Variants in PRDM5 observed in about 807,000 individuals in gnomAD.
PRDM5 encodes the protein PR domain zinc finger protein 5.
A neutral mutation model predicts 81.2 loss-of-function variants in PRDM5; 56 were observed. That is an observed-to-expected ratio of 0.69 (90% CI 0.56 to 0.86). PRDM5 has a LOEUF of 0.86. PRDM5 is among the 40% of genes least tolerant of loss of function. PRDM5 has a pLI of 0.00. For synonymous variants in PRDM5, 267 were observed against 256.4 expected (o/e 1.04, Z -0.39); for missense variants, 697 against 770.1 (o/e 0.91, Z 1.12).
chr4:120,741,366 C>T (rs1468560322), intron 14 of PRDM5, among the ~76,000 whole-genome samples: 3 of 151,926 alleles, frequency 2.0e-5, no homozygotes, highest in Non-Finnish European at 4.4e-5. Context: ...TACACTCACT[C>T]ACATGGTTCA....
chr4:120,797,337 G>T (rs966173488), intron 10 of PRDM5, among the ~76,000 whole-genome samples: 1 of 152,146 alleles, frequency 6.6e-6, no homozygotes, highest in Non-Finnish European at 1.5e-5. Flanking sequence ...TTTAATATTA[G>T]AGTATGAGAG....
chr4:120,902,036 A>G (rs1264273407), intron 2 of PRDM5, among the ~76,000 whole-genome samples: 1 of 152,262 alleles, frequency 6.6e-6, no homozygotes, highest in African/African-American at 2.4e-5. Context: ...ATATAGGACA[A>G]CACCAAGTTT....
intron 3 of PRDM5, among the ~76,000 whole-genome samples, chr4:120,842,141 A>G (rs965378955): frequency 6.6e-6 from 1 of 152,176 alleles, no homozygotes; most frequent in Non-Finnish European, 1.5e-5. Context: ...CTGTGGTTAT[A>G]TCTGTAAAAA....
At chr4:120,880,089 T>C (rs1220963603) in intron 2 of PRDM5, among the ~76,000 whole-genome samples, 2 of 152,142 alleles carry the variant, frequency 1.3e-5, no homozygotes, top group Admixed American at 1.3e-4. Flanking sequence ...AAGATGTTAA[T>C]AATAGGGGAA....
Position 120,726,782 on chromosome 4 carries a change from G to T in PRDM5, c.1624-16369C>A, listed in dbSNP as rs181690728. On this transcript the variant is annotated intron_variant, in intron 14 of 15. Coordinates refer to ENST00000264808, the MANE Select transcript of PRDM5 (RefSeq NM_018699.4). ...CTGGGCACTTGAAGACACAAATGGG[G>T]GTGGGATGGAGAGTGATAGAAGCCT... Among the ~76,000 whole-genome samples the T allele has an allele frequency of 1.8e-4, 28 of 152,236 alleles. No homozygotes were observed. In the East Asian group the frequency reaches 5.4e-3, roughly 29 times the overall value.
chr4:120,896,840 C>T (rs943984154), intron 2 of PRDM5, among the ~76,000 whole-genome samples: 10 of 151,816 alleles, frequency 6.6e-5, no homozygotes, highest in East Asian at 3.9e-4. Context: ...CCCGCCACCA[C>T]GCCCGGCTAA....
At chr4:120,918,118 A>G (rs1025077979) in intron 1 of PRDM5, among the ~76,000 whole-genome samples, 6 of 152,328 alleles carry the variant, frequency 3.9e-5, no homozygotes, top group Admixed American at 6.5e-5. Context: ...ATAAATACTT[A>G]TTGAATTAAT....
At chr4:120,875,899 A>G (rs1453133097) in intron 2 of PRDM5, among the ~76,000 whole-genome samples, 1 of 152,252 alleles carries the variant, frequency 6.6e-6, no homozygotes, top group African/African-American at 2.4e-5. Flanking sequence ...AGTATTTTAT[A>G]AAGCTATAAA....
At chr4:120,849,311 A>G (rs1047561378) in intron 3 of PRDM5, among the ~76,000 whole-genome samples, 12 of 152,206 alleles carry the variant, frequency 7.9e-5, no homozygotes, top group Non-Finnish European at 1.8e-4. Flanking sequence ...AGAAGACCCC[A>G]GGATAAATTG....
Position 120,899,496 on chromosome 4 carries a change from G to A in PRDM5, c.177+7978C>T, listed in dbSNP as rs533265770. ...GCCTGGGCTCCTAGTCACCAATCCA[G>A]CTTTTCTGGAGCTAGGTACTTAGAA... On this transcript the variant is annotated intron_variant, in intron 2 of 15. Transcript: ENST00000264808. 8.1e-4 allele frequency among the ~76,000 whole-genome samples: 124 copies of A among 152,306 alleles called. No individual in the cohort carries two copies. The South Asian group carries it at 0.025, about 31-fold the overall frequency.
rs569842269 is a variant in PRDM5, at chr4:120,771,189, A to G, written c.1537+5999T>C. Among the ~76,000 whole-genome samples the G allele has an allele frequency of 4.6e-5, 7 of 152,280 alleles. No homozygotes were observed. In the East Asian group the frequency reaches 9.6e-4, roughly 21 times the overall value. ...AAACAGTTTTTCAAGGGACATAACA[A>G]TGTTCTTTTTATAAAACAAACATTA... On this transcript the variant is annotated intron_variant, in intron 13 of 15. Transcript: ENST00000264808.
intron 14 of PRDM5, among the ~76,000 whole-genome samples, chr4:120,718,277 A>G (rs1738087451): frequency 6.6e-6 from 1 of 152,208 alleles, no homozygotes; most frequent in Non-Finnish European, 1.5e-5. Context: ...GAGGAATCAG[A>G]TGTGGAAGAC....
chr4:120,782,589 C>T (rs1310403649), intron 11 of PRDM5, among the ~76,000 whole-genome samples: 1 of 152,126 alleles, frequency 6.6e-6, no homozygotes, highest in Non-Finnish European at 1.5e-5. Context: ...GAAACAAAGT[C>T]ACGTCCATAC....
intron 11 of PRDM5, among the ~76,000 whole-genome samples, chr4:120,782,060 T>A (rs1749116440): frequency 6.6e-6 from 1 of 152,214 alleles, no homozygotes; most frequent in Non-Finnish European, 1.5e-5. Context: ...ACTTTCTAAC[T>A]TTCATATAAT....
At chr4:120,774,726 AAAG>A (rs1432758293) in intron 13 of PRDM5, among the ~76,000 whole-genome samples, 1 of 152,126 alleles carries the variant, frequency 6.6e-6, no homozygotes. Flanking sequence ...AAAATAACCC[AAAG>A]AAGAACTGTA....
At chr4:120,853,586 T>G (rs945493024) in intron 2 of PRDM5, 46 bp from the exon 3 acceptor site, 3 of 1,612,314 alleles carry the variant, frequency 1.9e-6, no homozygotes, top group Admixed American at 3.3e-5. Flanking sequence ...GTCAGAATAT[T>G]AGCCTTTAAA....
chr4:120,698,316 C>T (rs1357066859), intron 15 of PRDM5, among the ~76,000 whole-genome samples: 1 of 152,134 alleles, frequency 6.6e-6, no homozygotes, highest in African/African-American at 2.4e-5. Flanking sequence ...ATTTGACATG[C>T]CTTTCCCCTG....
chr4:120,871,885 G>T (rs1761837766), intron 2 of PRDM5, among the ~76,000 whole-genome samples: 1 of 152,136 alleles, frequency 6.6e-6, no homozygotes, highest in Non-Finnish European at 1.5e-5. Flanking sequence ...CAGGTGCGTG[G>T]CTCACGCCTG....
chr4:120,698,391 T>G (rs1251297605), intron 15 of PRDM5, among the ~76,000 whole-genome samples: 4 of 152,138 alleles, frequency 2.6e-5, no homozygotes, highest in Non-Finnish European at 4.4e-5. Flanking sequence ...TGGCCTTTTA[T>G]TCCCCTTTAT....
Sources: allele counts gnomAD v4.1 joint callset (sites outside exome capture counted in the v4.1 genomes callset), GRCh38; gene constraint gnomAD v4.1.1; transcripts MANE v1.5; gene names NCBI Gene and HGNC (gene_info 2026-07-23, HGNC 2026-07-21).